Variants in ASIC2 observed in about 807,000 individuals in gnomAD.
ASIC2 encodes the protein acid sensing ion channel subunit 2.
ASIC2 carries 25 observed loss-of-function variants against 57.3 expected under a neutral mutation model. The ratio of observed to expected loss-of-function variants is 0.44; its 90% CI spans 0.32 to 0.61. The LOEUF (loss-of-function observed/expected upper bound fraction) is 0.61, where lower values mean the gene tolerates loss of function less well. Among genes scored for constraint, ASIC2 ranks in the 20% least tolerant of loss-of-function variants. The probability of loss-of-function intolerance (pLI) is 0.06; values close to 1 mark genes in which losing one functional copy is unlikely to be tolerated. For missense variants in ASIC2, 641 were observed against 738.1 expected, an observed-to-expected ratio of 0.87 and a Z score of 1.52; for synonymous variants, 319 against 307.5, an observed-to-expected ratio of 1.04 and a Z score of -0.39.
intron 1 of ASIC2, among the ~76,000 whole-genome samples, chr17:33,733,362 T>C (rs1260263767): frequency 6.6e-6 from 1 of 152,228 alleles, no homozygotes; most frequent in African/African-American, 2.4e-5. Flanking sequence ...CCTGTGTGTG[T>C]GTTGATAACC....
At chr17:33,705,319 T>C (rs898720822) in intron 1 of ASIC2, among the ~76,000 whole-genome samples, 1 of 152,238 alleles carries the variant, frequency 6.6e-6, no homozygotes, top group Non-Finnish European at 1.5e-5. Flanking sequence ...ATTTATCGTA[T>C]GTAAATGTAC....
chr17:33,382,412 G>A (rs900105180), intron 1 of ASIC2, among the ~76,000 whole-genome samples: 3 of 152,186 alleles, frequency 2.0e-5, no homozygotes, highest in African/African-American at 4.8e-5. Flanking sequence ...GAAGGCTGGT[G>A]AAAGATATGT....
At chr17:33,188,021 T>A (rs1906271193) in intron 1 of ASIC2, among the ~76,000 whole-genome samples, 2 of 151,504 alleles carry the variant, frequency 1.3e-5, no homozygotes, top group African/African-American at 4.9e-5. Flanking sequence ...ACACAAATAA[T>A]CAGTTTAGTA....
intron 1 of ASIC2, among the ~76,000 whole-genome samples, chr17:34,105,676 A>T (rs1567824030): frequency 6.6e-6 from 1 of 152,030 alleles, no homozygotes; most frequent in Non-Finnish European, 1.5e-5. Context: ...TTAAAAAAAT[A>T]AAAAGGACAC....
chr17:33,493,376 C>T (rs956171026), intron 1 of ASIC2, among the ~76,000 whole-genome samples: 19 of 152,152 alleles, frequency 1.2e-4, no homozygotes, highest in African/African-American at 3.6e-4. Context: ...ATCTGGGATA[C>T]GCTTCACCCA....
chr17:33,495,583 C>A (rs541831428), intron 1 of ASIC2, among the ~76,000 whole-genome samples: 2 of 152,284 alleles, frequency 1.3e-5, no homozygotes, highest in African/African-American at 4.8e-5. Context: ...AGTTGGGGGA[C>A]CACAGTGGCC....
At chr17:34,065,046 A>C (rs941274480) in intron 1 of ASIC2, among the ~76,000 whole-genome samples, 6 of 152,166 alleles carry the variant, frequency 3.9e-5, no homozygotes, top group Non-Finnish European at 7.4e-5. Context: ...TCCAGAGAAG[A>C]AGTCATTATT....
chr17:33,679,756 G>C, intron 1 of ASIC2, among the ~76,000 whole-genome samples: 1 of 152,194 alleles, frequency 6.6e-6, no homozygotes, highest in Non-Finnish European at 1.5e-5. Context: ...CAGCCTTCCA[G>C]TGAGTGGAAA....
chr17:33,296,358 G>A (rs1250288694), upstream of ASIC2, among the ~76,000 whole-genome samples: 2 of 152,052 alleles, frequency 1.3e-5, no homozygotes, highest in Non-Finnish European at 2.9e-5. Context: ...TCCAGCCCTA[G>A]TCCACGCTGC....
At chr17:34,108,258 T>C (rs1209043637) in intron 1 of ASIC2, among the ~76,000 whole-genome samples, 2 of 152,292 alleles carry the variant, frequency 1.3e-5, no homozygotes, top group South Asian at 2.1e-4. Context: ...TCTCAAATAT[T>C]GCCACAATAA....
chr17:33,686,255 A>G (rs994406075), intron 1 of ASIC2, among the ~76,000 whole-genome samples: 4 of 152,126 alleles, frequency 2.6e-5, no homozygotes, highest in African/African-American at 9.7e-5. Flanking sequence ...AGAGCACGCT[A>G]TTCTTGATAA....
intron 1 of ASIC2, among the ~76,000 whole-genome samples, chr17:33,688,106 T>G (rs1370923162): frequency 6.6e-6 from 1 of 152,126 alleles, no homozygotes; most frequent in African/African-American, 2.4e-5. Context: ...GGGGGTGGCC[T>G]GAGGGTTAAT....
intron 1 of ASIC2, among the ~76,000 whole-genome samples, chr17:34,084,312 C>T (rs1449268339): frequency 2.0e-5 from 3 of 152,142 alleles, no homozygotes; most frequent in African/African-American, 4.8e-5. Flanking sequence ...ATCCTTTCCC[C>T]ATTGCTTGTT....
At chr17:33,396,800 T>C (rs1019304136) in intron 1 of ASIC2, among the ~76,000 whole-genome samples, 3 of 152,166 alleles carry the variant, frequency 2.0e-5, no homozygotes, top group African/African-American at 4.8e-5. Context: ...GAGATAGGCA[T>C]TGGGAAATTT....
intron 1 of ASIC2, among the ~76,000 whole-genome samples, chr17:33,922,304 C>T (rs1207752562): frequency 6.6e-6 from 1 of 152,116 alleles, no homozygotes; most frequent in Non-Finnish European, 1.5e-5. Context: ...TCCCTCCCTC[C>T]CTCCTTCCTT....
chr17:34,120,122 C>T (rs1323326843), intron 1 of ASIC2: 1 of 152,162 alleles, frequency 6.6e-6, no homozygotes, highest in African/African-American at 2.4e-5. Flanking sequence ...TGCTTTGCCT[C>T]CAAGATCACG....
chr17:33,906,607 G>A (rs988918661), intron 1 of ASIC2, among the ~76,000 whole-genome samples: 12 of 152,192 alleles, frequency 7.9e-5, no homozygotes, highest in Admixed American at 4.6e-4. Context: ...AAACACCTGC[G>A]AGTATATTCA....
intron 1 of ASIC2, among the ~76,000 whole-genome samples, chr17:33,799,390 CTTTCTTTCTTTCT>C (rs1241192339): frequency 2.6e-4 from 16 of 61,072 alleles, no homozygotes; most frequent in African/African-American, 1.0e-3. Context: ...TTCTTTCTTT[CTTTCTTTCTTTCT>C]TTTCTTTCTT....
intron 1 of ASIC2, among the ~76,000 whole-genome samples, chr17:33,989,543 A>G (rs71379449): frequency 0.029 from 4,385 of 152,232 alleles, 195 homozygotes; most frequent in African/African-American, 0.1. Flanking sequence ...TGTGGTAGGC[A>G]CGCCTTGGTC....
Sources: allele counts gnomAD v4.1 joint callset (sites outside exome capture counted in the v4.1 genomes callset), GRCh38; gene constraint gnomAD v4.1.1; transcripts MANE v1.5; gene names NCBI Gene and HGNC (gene_info 2026-07-23, HGNC 2026-07-21).